ALK: variants seen among roughly 807,000 people sequenced by gnomAD.
The protein encoded by ALK is ALK tyrosine kinase receptor.
A neutral mutation model predicts 163.1 loss-of-function variants in ALK; 74 were observed. The observed-to-expected ratio is 0.45, with a 90% CI of 0.38 to 0.55. The LOEUF is 0.55. ALK is among the 20% of genes least tolerant of loss of function. The pLI is 0.00. For synonymous variants in ALK, 960 were observed against 843.2 expected, an observed-to-expected ratio of 1.14 and a Z score of -2.40; for missense variants, 2,063 against 2,105.3, an observed-to-expected ratio of 0.98 and a Z score of 0.39.
chr2:29,490,052 A>G (rs957928836), intron 4 of ALK, among the ~76,000 whole-genome samples: 2 of 152,256 alleles, frequency 1.3e-5, no homozygotes, highest in Non-Finnish European at 2.9e-5. Flanking sequence ...TTCATGTACC[A>G]TGGAATAAAG....
At position 29,585,606 on chromosome 2, in the gene ALK, G is replaced by A. The variant is rs535548464; in HGVS notation, c.953-53490C>T. ...GCCTCCCAAGGTGCTGAGATCACCC[G>A]CGTGAGCCACTGTGCCCACCCTGTC... On this transcript the variant is annotated intron_variant, in intron 3 of 28. Coordinates refer to ENST00000389048, the MANE Select transcript of ALK (RefSeq NM_004304.5). Among the ~76,000 whole-genome samples the A allele has an allele frequency of 1.2e-4, 19 of 152,244 alleles. No homozygotes were observed. In the South Asian group the frequency reaches 2.9e-3, roughly 23 times the overall value.
chr2:29,227,741 C>T lies in ALK; in HGVS notation c.2816-69G>A. On this transcript the variant is annotated intron_variant, in intron 16 of 28. Transcript: ENST00000389048. This position sits in a 1 kb window ranked among gnomAD's most constrained non-coding sequence, Gnocchi z 4.4. ...CCAAAATCTTAACACACACACACGT[C>T]AGTGGGGCATGCAGCTCTGGCCAAA... The T allele has an allele frequency of 1.6e-6, 2 of 1,251,850 alleles. No individual in the cohort carries two copies. Among genetic ancestry groups the T allele is most frequent in the Non-Finnish European group, 1.2e-6 (1 of 852,364 alleles). 77.5% of individuals were successfully genotyped at this position (1,251,850 alleles called of 1,614,324 possible). A position where few individuals can be genotyped will look rare whatever the true frequency, so the allele number is the denominator to read the frequency against.
At chr2:29,198,362 A>T (rs995545580) in intron 26 of ALK, among the ~76,000 whole-genome samples, 3 of 152,104 alleles carry the variant, frequency 2.0e-5, no homozygotes, top group African/African-American at 4.8e-5. Context: ...TTTCCAACTC[A>T]TCAGCACCTC....
intron 5 of ALK, among the ~76,000 whole-genome samples, chr2:29,358,905 A>G (rs1352192124): frequency 2.6e-5 from 4 of 152,186 alleles, no homozygotes; most frequent in African/African-American, 9.6e-5. Flanking sequence ...ACGTTCGTAA[A>G]TGATTAATAA....
intron 3 of ALK, among the ~76,000 whole-genome samples, chr2:29,584,068 G>C (rs1456905080): frequency 2.0e-5 from 3 of 152,130 alleles, no homozygotes; most frequent in Non-Finnish European, 4.4e-5. Context: ...GCCAAATGGG[G>C]TAGGGTAAGT....
At chr2:29,372,549 G>A (rs1668663063) in intron 5 of ALK, among the ~76,000 whole-genome samples, 1 of 152,208 alleles carries the variant, frequency 6.6e-6, no homozygotes, top group Admixed American at 6.5e-5. Context: ...CTAGGTTCCA[G>A]GCACTGTGTC....
intron 1 of ALK, among the ~76,000 whole-genome samples, chr2:29,820,282 G>C (rs1261693071): frequency 6.6e-6 from 1 of 152,164 alleles, no homozygotes; most frequent in Non-Finnish European, 1.5e-5. Flanking sequence ...ACACAGGGAG[G>C]AAGTGAGGAC....
chr2:29,232,187 G>A, intron 15 of ALK, 117 bp downstream of exon 15: 2 of 1,412,862 alleles, frequency 1.4e-6, no homozygotes, highest in East Asian at 2.3e-5. Context: ...CCAATATTCA[G>A]AGCTCCTAGC....
intron 1 of ALK, among the ~76,000 whole-genome samples, chr2:29,793,405 T>C (rs1486498204): frequency 6.6e-6 from 1 of 152,154 alleles, no homozygotes; most frequent in East Asian, 1.9e-4. Context: ...AAACCCCTGT[T>C]CATGTTGTTA....
chr2:29,772,036 G>C (rs963644150), intron 1 of ALK, among the ~76,000 whole-genome samples: 3 of 152,206 alleles, frequency 2.0e-5, no homozygotes, highest in African/African-American at 7.2e-5. Context: ...GCCAGATAAA[G>C]AGAATTCCCG....
chr2:29,578,525 G>A (rs1431703893), intron 3 of ALK, among the ~76,000 whole-genome samples: 2 of 152,192 alleles, frequency 1.3e-5, no homozygotes, highest in Non-Finnish European at 2.9e-5. Flanking sequence ...TCCTAACTCT[G>A]TGGAGTCCTA....
intron 9 of ALK, among the ~76,000 whole-genome samples, chr2:29,293,442 T>C (rs1317119008): frequency 1.3e-5 from 2 of 152,096 alleles, no homozygotes; most frequent in South Asian, 2.1e-4. Context: ...AAAAAGATAA[T>C]AAAGAGTGAT....
intron 3 of ALK, among the ~76,000 whole-genome samples, chr2:29,641,392 TG>T (rs1007732763): frequency 9.9e-5 from 15 of 152,184 alleles, no homozygotes; most frequent in African/African-American, 3.4e-4. Flanking sequence ...CGCGTGATTC[TG>T]AAAAAACAAT....
intron 1 of ALK, among the ~76,000 whole-genome samples, chr2:29,784,467 G>A (rs112977911): frequency 0.062 from 9,401 of 152,160 alleles, 985 homozygotes; most frequent in African/African-American, 0.22. Context: ...AGGCTGAGGC[G>A]GGCAGATCAC....
intron 3 of ALK, among the ~76,000 whole-genome samples, chr2:29,684,752 G>A (rs1170872672): frequency 1.3e-5 from 2 of 152,220 alleles, no homozygotes; most frequent in African/African-American, 4.8e-5. Context: ...TGAGTCTTCT[G>A]TAGGCACAGG....
At chr2:29,708,302 C>A (rs550227028) in intron 2 of ALK, among the ~76,000 whole-genome samples, 29 of 152,286 alleles carry the variant, frequency 1.9e-4, no homozygotes, top group African/African-American at 6.3e-4. Flanking sequence ...CTCCTGATCT[C>A]AGGTAATCCA....
intron 2 of ALK, among the ~76,000 whole-genome samples, chr2:29,716,996 CAAA>C (rs34422584): frequency 1.7e-4 from 1 of 6,002 alleles, no homozygotes; most frequent in Non-Finnish European, 1.2e-3. Context: ...ACCAAAAATC[CAAA>C]AAAAAAAAAA....
At chr2:29,481,972 GA>G (rs1247815297) in intron 4 of ALK, among the ~76,000 whole-genome samples, 2 of 152,218 alleles carry the variant, frequency 1.3e-5, no homozygotes, top group Non-Finnish European at 2.9e-5. Flanking sequence ...TTAAAAGAAA[GA>G]ATATGATCAG....
intron 26 of ALK, among the ~76,000 whole-genome samples, chr2:29,200,757 ATATG>A (rs967349676): frequency 1.0e-4 from 11 of 107,182 alleles, no homozygotes; most frequent in African/African-American, 7.1e-4. Flanking sequence ...ATATACGTAT[ATATG>A]TATATATATA....
Sources: gnomAD v4.1 joint callset for allele counts (sites outside exome capture counted in the v4.1 genomes callset) on GRCh38, gnomAD v4.1.1 for gene constraint, Gnocchi (gnomAD v3.1) non-coding constraint, MANE v1.5 for transcripts, NCBI Gene and HGNC (gene_info 2026-07-23, HGNC 2026-07-21) for gene names.